CELF5: variants seen among roughly 807,000 people sequenced by gnomAD.
CELF5 encodes CUG-BP and ETR-3 like factor 5.
In CELF5, 6 loss-of-function variants were observed where a neutral mutation model predicts 54.9. That is an observed-to-expected ratio of 0.11 (90% CI 0.06 to 0.22). The LOEUF (loss-of-function observed/expected upper bound fraction) is 0.22. CELF5 is among the 10% of genes least tolerant of loss of function. The probability of loss-of-function intolerance (pLI) is 1.00; values close to 1 mark genes in which losing one functional copy is unlikely to be tolerated. For missense variants in CELF5, 401 were observed against 678.6 expected (o/e 0.59, Z 4.54); for synonymous variants, 271 against 290.9 (o/e 0.93, Z 0.70).
chr19:3,271,238 C>T (rs931152124), intron 2 of CELF5, among the ~76,000 whole-genome samples: 6 of 151,436 alleles, frequency 4.0e-5, no homozygotes, highest in Non-Finnish European at 8.8e-5. Context: ...GCAGGTGCCC[C>T]CCCATCTCTC....
intron 1 of CELF5, among the ~76,000 whole-genome samples, chr19:3,241,506 C>G (rs1045421920): frequency 6.6e-6 from 1 of 152,008 alleles, no homozygotes; most frequent in African/African-American, 2.4e-5. Context: ...CCAAGGCTCT[C>G]CAGGTGTGCA....
In CELF5 at chr19:3,282,304, G is replaced by C. The variant is rs1212735042; in HGVS notation, c.892+37G>C. 1 of 1,609,112 alleles carries C rather than the reference G, an allele frequency of 6.2e-7. No homozygotes were observed. ...CCAGGCACCCAAGGATGGGTGGGCA[G>C]GGCTGGAGCCAGAACTGGCCTCCCC... On this transcript the variant is annotated intron_variant, in intron 7 of 12. Coordinates refer to ENST00000292672, the MANE Select transcript of CELF5 (RefSeq NM_021938.4). The surrounding 1 kb of genome is among the most constrained non-coding windows in gnomAD (Gnocchi z 5.2).
At chr19:3,262,946 T>G (rs1011871806) in intron 2 of CELF5, among the ~76,000 whole-genome samples, 1 of 142,036 alleles carries the variant, frequency 7.0e-6, no homozygotes, top group African/African-American at 2.6e-5. Context: ...CTCAAAAAAT[T>G]TTTAAAAATT....
intron 2 of CELF5, among the ~76,000 whole-genome samples, chr19:3,263,246 C>CA (rs541811875): frequency 0.044 from 1,976 of 44,536 alleles, 36 homozygotes; most frequent in African/African-American, 0.071. Flanking sequence ...GATTCTGTCT[C>CA]AAAAAAAAAA....
chr19:3,275,769 GC>G lies in CELF5; in HGVS notation c.395-85del, dbSNP rs2080038308. 1 of 1,416,632 alleles carries G rather than the reference GC, an allele frequency of 7.1e-7. No homozygotes were observed. The highest frequency in any genetic ancestry group is 1.4e-5 in the African/African-American group (1 of 70,026). The allele number at this position is 1,416,632 out of a possible 1,614,324, so 87.8% of individuals were successfully genotyped here. A position where few individuals can be genotyped will look rare whatever the true frequency, so the allele number is the denominator to read the frequency against. ...GGGCGCCGCGTCTTCCTGCCCTGCCGCCTCCACTCTGCTGGAGGGAGGGAGG... is the reference window on the plus strand; with the variant it reads ...GGGCGCCGCGTCTTCCTGCCCTGCCGCTCCACTCTGCTGGAGGGAGGGAGG... On this transcript the variant is annotated intron_variant, in intron 3 of 12. Coordinates refer to ENST00000292672, the MANE Select transcript of CELF5 (RefSeq NM_021938.4). This position sits in a 1 kb window ranked among gnomAD's most constrained non-coding sequence, Gnocchi z 6.7.
intron 10 of CELF5, 130 bp from the exon 11 acceptor site, chr19:3,290,100 CT>C (rs2080318439): frequency 3.0e-6 from 2 of 658,794 alleles, no homozygotes; most frequent in Non-Finnish European, 2.7e-6. Flanking sequence ...CCCCTTCTTT[CT>C]GGGTGTCTGA....
At position 3,281,342 on chromosome 19, in the gene CELF5, G is replaced by A. The variant is rs1421500235; in HGVS notation, c.747G>A (p.Gln249=). The change falls in exon 6 of 13, where the codon CAG becomes CAA. Residue 249 remains glutamine (Q), a synonymous_variant. Coordinates refer to ENST00000292672, the MANE Select transcript of CELF5 (RefSeq NM_021938.4). This position sits in a 1 kb window ranked among gnomAD's most constrained non-coding sequence, Gnocchi z 6.5. ...TCAGCCCCTACAGTGCCTACGCCCAGGCTGTGAGTGACCCAGTGACAGCTT... is the reference window on the plus strand; with the variant it reads ...TCAGCCCCTACAGTGCCTACGCCCAAGCTGTGAGTGACCCAGTGACAGCTT... ...LPFSPYSAYA[Q]ALMQQQTTVL... The A allele has an allele frequency of 1.9e-6, 3 of 1,601,242 alleles. No homozygotes were observed. In the African/African-American group the frequency reaches 4.0e-5, roughly 21 times the overall value.
chr19:3,277,391 G>C (rs1445080662), intron 4 of CELF5, among the ~76,000 whole-genome samples: 1 of 152,156 alleles, frequency 6.6e-6, no homozygotes, highest in Admixed American at 6.5e-5. Flanking sequence ...AGCATTGCTT[G>C]AACCCGGGAG....
chr19:3,293,615 C>A, intron 12 of CELF5, 129 bp downstream of exon 12: 2 of 797,986 alleles, frequency 2.5e-6, no homozygotes, highest in Non-Finnish European at 3.9e-6. Flanking sequence ...AAGAAACCTC[C>A]GGGTTGGGTT....
rs764225299 is a variant in CELF5 at position 3,281,189 on chromosome 19, G to GC, written c.604-6dup. 1.2e-6 allele frequency: 2 copies of GC among 1,600,966 alleles called. No homozygotes were observed. The highest frequency in any genetic ancestry group is 4.5e-5 in the East Asian group (2 of 44,674). ...CCCGTTTCCCTCCCTGCTCGCCGCT[G>GC]CCCCTGCAGGGAGCCTCCTCCAGCC... On this transcript the variant is annotated splice_polypyrimidine_tract_variant and intron_variant, in intron 5 of 12. Transcript: ENST00000292672. This position sits in a 1 kb window ranked among gnomAD's most constrained non-coding sequence, Gnocchi z 6.5.
intron 3 of CELF5, 123 bp downstream of exon 3, chr19:3,274,046 G>GC: frequency 2.1e-6 from 2 of 933,484 alleles, no homozygotes; most frequent in Middle Eastern, 3.0e-4. Flanking sequence ...TCTGGAACTG[G>GC]CCTCCCTGCC....
chr19:3,282,486 G>C lies in CELF5; in HGVS notation c.1027G>C (p.Val343Leu), dbSNP rs146708639. 1.0e-4 allele frequency: 165 copies of C among 1,613,128 alleles called. No homozygotes were observed. The African/African-American group carries it at 1.9e-3, about 19-fold the overall frequency. Residue 343 changes from valine to leucine, a missense_variant, in exon 8 of 13, where the codon GTG (valine) becomes CTG (leucine). Val to Leu is a conservative substitution (Grantham distance 32). Coordinates refer to ENST00000292672, the MANE Select transcript of CELF5 (RefSeq NM_021938.4). The surrounding 1 kb of genome is among the most constrained non-coding windows in gnomAD (Gnocchi z 5.2). ...GGAAACCGTCTATGCCAATGGCCTT[G>C]TGCCCTACCCAGGTAAATTGGGGTC... Reference protein sequence around the residue: ...ALETVYANGLVPYPAQSPTVA... With the variant: ...ALETVYANGLLPYPAQSPTVA...
chr19:3,282,001 A>G lies in CELF5; in HGVS notation c.751-125A>G. 9.4e-7 allele frequency: 1 copy of G among 1,060,310 alleles called. No individual in the cohort carries two copies. The highest frequency in any genetic ancestry group is 2.4e-5 in the East Asian group (1 of 42,018). 65.7% of individuals were successfully genotyped at this position (1,060,310 alleles called of 1,614,324 possible). A position where few individuals can be genotyped will look rare whatever the true frequency, so the allele number is the denominator to read the frequency against. ...GATCCCAGTCTGAGCTCCAATTCTG[A>G]TCTCAGCCTGAGCCAAGATACCCAG... On this transcript the variant is annotated intron_variant, in intron 6 of 12. Coordinates refer to ENST00000292672, the MANE Select transcript of CELF5 (RefSeq NM_021938.4). This position sits in a 1 kb window ranked among gnomAD's most constrained non-coding sequence, Gnocchi z 5.2.
chr19:3,288,293 G>A (rs2080286308), intron 10 of CELF5, among the ~76,000 whole-genome samples: 1 of 145,786 alleles, frequency 6.9e-6, no homozygotes. Flanking sequence ...AGGCTGAGGT[G>A]GGCAGATTGC....
rs867688571 is a variant in CELF5, at chr19:3,285,987, C to A, written c.1148C>A (p.Pro383His). The A allele has an allele frequency of 3.8e-6, 6 of 1,585,870 alleles. No individual in the cohort carries two copies. The highest frequency in any genetic ancestry group is 4.3e-6 in the Non-Finnish European group (5 of 1,172,930). ...ATCACGCCCATCGCGCACAGCGTCC[C>A]CCAGCCGCCGCCCCTCCTGCAGCAG... ...AAITPIAHSV[P>H]QPPPLLQQQQ... is the part of the protein sequence containing the mutation. Residue 383 changes from proline (P) to histidine (H), a missense_variant, in exon 10 of 13, where the codon CCC becomes CAC. Around this residue, in one of 6 missense-constraint regions of CELF5, gnomAD observed 143 missense variants for 147.6 expected, o/e 0.97. Coordinates refer to ENST00000292672, the MANE Select transcript of CELF5 (RefSeq NM_021938.4).
chr19:3,271,691 C>T (rs1293485150), intron 2 of CELF5, among the ~76,000 whole-genome samples: 1 of 151,828 alleles, frequency 6.6e-6, no homozygotes, highest in Non-Finnish European at 1.5e-5. Context: ...GCAGGAGAGG[C>T]TCAGCGAGAG....
At position 3,228,371 on chromosome 19, in the gene CELF5, G is replaced by C. The variant is rs920751870; in HGVS notation, c.259+3373G>C. ...ACTGGAGGCTGGGATTGGGGCTCCC[G>C]CTGGCCCCCCTGCAGTTCCTGCCCC... On this transcript the variant is annotated intron_variant, in intron 1 of 12. Transcript: ENST00000292672. The surrounding 1 kb of genome is among the most constrained non-coding windows in gnomAD (Gnocchi z 6.0). Among the ~76,000 whole-genome samples the C allele has an allele frequency of 6.6e-6, 1 of 152,084 alleles. No homozygotes were observed. Among genetic ancestry groups the C allele is most frequent in the African/African-American group, 2.4e-5 (1 of 41,422 alleles).
At chr19:3,273,802 C>A in intron 2 of CELF5, 70 bp from the exon 3 acceptor site, 1 of 1,156,208 alleles carries the variant, frequency 8.6e-7, no homozygotes, top group South Asian at 1.3e-5. Context: ...CTGCAGAGCT[C>A]AGGCAAAACC....
intron 10 of CELF5, 25 bp downstream of exon 10, chr19:3,286,050 G>A (rs1401289705): frequency 1.3e-6 from 2 of 1,537,896 alleles, no homozygotes; most frequent in Non-Finnish European, 1.7e-6. Flanking sequence ...ACCTCCCCTG[G>A]GCGCCAGCCC....
Sources: allele counts gnomAD v4.1 joint callset (sites outside exome capture counted in the v4.1 genomes callset), GRCh38; gene constraint gnomAD v4.1.1; regional missense constraint gnomAD v4.1.1; non-coding constraint Gnocchi (gnomAD v3.1); transcripts MANE v1.5; gene names NCBI Gene and HGNC (gene_info 2026-07-23, HGNC 2026-07-21).